PTPRD: variants seen among roughly 807,000 people sequenced by gnomAD.
The protein encoded by PTPRD is protein tyrosine phosphatase receptor type D.
Under a neutral mutation model 214.5 loss-of-function variants are expected in PTPRD, and 34 were observed. The ratio of observed to expected loss-of-function variants is 0.16; its 90% CI spans 0.12 to 0.21. The LOEUF is 0.21. Ranked by LOEUF, PTPRD falls within the 10% of genes least tolerant of loss-of-function variation. The pLI is 1.00. For missense variants in PTPRD, 2,545 were observed against 2,398.7 expected, an observed-to-expected ratio of 1.06 and a Z score of -1.27; for synonymous variants, 1,128 against 845.7, an observed-to-expected ratio of 1.33 and a Z score of -5.79.
chr9:9,667,970 G>A (rs1046078602), intron 7 of PTPRD, among the ~76,000 whole-genome samples: 18 of 152,062 alleles, frequency 1.2e-4, no homozygotes, highest in African/African-American at 4.3e-4. Context: ...AAAGATTATT[G>A]GAACAACCTG....
intron 11 of PTPRD, among the ~76,000 whole-genome samples, chr9:8,768,475 G>A (rs893212595): frequency 2.6e-5 from 4 of 152,088 alleles, no homozygotes; most frequent in Non-Finnish European, 5.9e-5. Context: ...AATCTCTTGA[G>A]CCCAGAGGAG....
intron 11 of PTPRD, among the ~76,000 whole-genome samples, chr9:8,792,276 T>C (rs1169079507): frequency 6.6e-6 from 1 of 152,176 alleles, no homozygotes; most frequent in Non-Finnish European, 1.5e-5. Context: ...GTAAGATGTC[T>C]CCACAAATTG....
intron 2 of PTPRD, among the ~76,000 whole-genome samples, chr9:10,380,671 G>A (rs11999265): frequency 0.028 from 4,184 of 151,978 alleles, 198 homozygotes; most frequent in African/African-American, 0.096. Context: ...TGAAGTCCAC[G>A]GAACAAAATC....
intron 7 of PTPRD, among the ~76,000 whole-genome samples, chr9:9,677,446 A>G (rs1477490405): frequency 6.6e-6 from 1 of 152,134 alleles, no homozygotes; most frequent in East Asian, 1.9e-4. Flanking sequence ...TCCAGCATAT[A>G]AACAGAACCA....
At chr9:10,059,218 A>T (rs1334823324) in intron 3 of PTPRD, among the ~76,000 whole-genome samples, 1 of 152,022 alleles carries the variant, frequency 6.6e-6, no homozygotes, top group Non-Finnish European at 1.5e-5. Flanking sequence ...GGAAAAGGGG[A>T]TTAGTTTAGA....
At chr9:8,653,906 G>A (rs1381236134) in intron 12 of PTPRD, among the ~76,000 whole-genome samples, 4 of 152,070 alleles carry the variant, frequency 2.6e-5, no homozygotes, top group Admixed American at 2.6e-4. Context: ...TAGGAACCTT[G>A]GTGCATCAAT....
At chr9:8,538,260 T>A (rs1212857902) in intron 14 of PTPRD, among the ~76,000 whole-genome samples, 1 of 151,556 alleles carries the variant, frequency 6.6e-6, no homozygotes, top group African/African-American at 2.4e-5. Context: ...TTTACCGAAA[T>A]GTATATTTAA....
intron 10 of PTPRD, among the ~76,000 whole-genome samples, chr9:9,043,403 G>T (rs1017369279): frequency 3.6e-4 from 54 of 151,992 alleles, no homozygotes; most frequent in African/African-American, 1.3e-3. Flanking sequence ...AACAATACAG[G>T]GTTCAATATT....
intron 2 of PTPRD, among the ~76,000 whole-genome samples, chr9:10,462,093 T>C (rs929263103): frequency 2.0e-5 from 3 of 152,084 alleles, no homozygotes; most frequent in Non-Finnish European, 4.4e-5. Flanking sequence ...TAATGTAAAC[T>C]ATGAGGAATG....
intron 12 of PTPRD, among the ~76,000 whole-genome samples, chr9:8,639,895 G>T (rs2096535580): frequency 6.6e-6 from 1 of 152,178 alleles, no homozygotes; most frequent in Non-Finnish European, 1.5e-5. Context: ...CCAGGTATGT[G>T]TCTCATTTAT....
rs571304672 is a variant in PTPRD at position 9,368,453 on chromosome 9, T to C, written c.-203+28996A>G. Among the ~76,000 whole-genome samples, 31 of 152,008 alleles carry C rather than the reference T, an allele frequency of 2.0e-4. No homozygotes were observed. The South Asian group carries it at 6.0e-3, about 29-fold the overall frequency. On this transcript the variant is annotated intron_variant, in intron 9 of 45. Transcript: ENST00000381196. ...CTACAACACTCTGAGAGATGTAACA[T>C]ATTTCCTTTAGGCTGAGCCATTTAC...
At chr9:9,002,448 G>A (rs2099428088) in intron 11 of PTPRD, among the ~76,000 whole-genome samples, 1 of 151,912 alleles carries the variant, frequency 6.6e-6, no homozygotes, top group Admixed American at 6.6e-5. Flanking sequence ...TGAAAAAATT[G>A]ATTATTCTAT....
At chr9:9,053,646 C>A (rs1322907228) in intron 10 of PTPRD, among the ~76,000 whole-genome samples, 2 of 152,092 alleles carry the variant, frequency 1.3e-5, no homozygotes, top group Non-Finnish European at 1.5e-5. Context: ...TATTAAATTT[C>A]TGTTGCTTTA....
rs572903462 is a variant in PTPRD at position 10,446,179 on chromosome 9, C to G, written c.-599-105162G>C. ...AAAGGATTTGATGCTACAGGTAGTC[C>G]GAGATAAAAATGAAGAAAGCTAAGG... On this transcript the variant is annotated intron_variant, in intron 2 of 45. Transcript: ENST00000381196. 5.7e-4 allele frequency among the ~76,000 whole-genome samples: 87 copies of G among 151,744 alleles called. 1 individual carries two copies. The South Asian group carries it at 0.016, about 28-fold the overall frequency.
chr9:10,361,015 T>C (rs917345528), intron 2 of PTPRD, among the ~76,000 whole-genome samples: 7 of 152,126 alleles, frequency 4.6e-5, no homozygotes, highest in Admixed American at 2.0e-4. Flanking sequence ...GGCAGGAGAA[T>C]GGCGTGAACA....
At chr9:9,812,268 A>G (rs1320421422) in intron 5 of PTPRD, among the ~76,000 whole-genome samples, 3 of 152,162 alleles carry the variant, frequency 2.0e-5, no homozygotes, top group Non-Finnish European at 4.4e-5. Flanking sequence ...ATGGTGATAT[A>G]CTGGAACTGA....
chr9:9,532,231 G>T (rs1426566384), intron 8 of PTPRD, among the ~76,000 whole-genome samples: 2 of 152,106 alleles, frequency 1.3e-5, no homozygotes, highest in East Asian at 1.9e-4. Context: ...GAGAGAGAAG[G>T]TCTGTGTGGT....
chr9:9,889,380 C>CA (rs138482959), intron 5 of PTPRD, among the ~76,000 whole-genome samples: 5,327 of 152,016 alleles, frequency 0.035, 283 homozygotes, highest in African/African-American at 0.12. Context: ...ATAATATATA[C>CA]AATTTTATTT....
chr9:9,564,488 G>A (rs533299765), intron 8 of PTPRD, among the ~76,000 whole-genome samples: 12 of 151,916 alleles, frequency 7.9e-5, no homozygotes, highest in East Asian at 1.9e-4. Flanking sequence ...AACTAAATTC[G>A]AATTTCTTAG....
Sources: gnomAD v4.1 joint callset for allele counts (sites outside exome capture counted in the v4.1 genomes callset) on GRCh38, gnomAD v4.1.1 for gene constraint, MANE v1.5 for transcripts, NCBI Gene and HGNC (gene_info 2026-07-23, HGNC 2026-07-21) for gene names.